Variants in KITLG observed in about 807,000 individuals in gnomAD.
The protein encoded by KITLG is KIT ligand.
A neutral mutation model predicts 34.1 loss-of-function variants in KITLG; 13 were observed. The observed-to-expected ratio is 0.38, with a 90% confidence interval of 0.25 to 0.61. KITLG has a LOEUF of 0.61. KITLG is among the 20% of genes least tolerant of loss of function. The probability of loss-of-function intolerance (pLI) is 0.60; values close to 1 mark genes in which losing one functional copy is unlikely to be tolerated. For missense variants in KITLG, 292 were observed against 318.9 expected, an observed-to-expected ratio of 0.92 and a Z score of 0.64; for synonymous variants, 110 against 104.0, an observed-to-expected ratio of 1.06 and a Z score of -0.35.
intron 6 of KITLG, among the ~76,000 whole-genome samples, chr12:88,513,166 T>G (rs1440402363): frequency 6.6e-6 from 1 of 151,798 alleles, no homozygotes; most frequent in East Asian, 1.9e-4. Flanking sequence ...AAAACTACCC[T>G]GTTTCAAGGT....
chr12:88,571,519 C>G (rs1328554048), intron 1 of KITLG, among the ~76,000 whole-genome samples: 2 of 152,280 alleles, frequency 1.3e-5, no homozygotes, highest in South Asian at 2.1e-4. Flanking sequence ...AACAAAGTAG[C>G]CTTGCCAGTC....
At chr12:88,552,201 G>A (rs1382228036) in intron 1 of KITLG, among the ~76,000 whole-genome samples, 2 of 146,416 alleles carry the variant, frequency 1.4e-5, no homozygotes, top group Non-Finnish European at 3.0e-5. Flanking sequence ...TTTTGACAGA[G>A]TCTCTCTCTG....
chr12:88,551,888 C>A (rs1198580613), intron 1 of KITLG, among the ~76,000 whole-genome samples: 1 of 152,126 alleles, frequency 6.6e-6, no homozygotes, highest in East Asian at 1.9e-4. Context: ...CCAATCTAAT[C>A]CCCATGGTCC....
intron 1 of KITLG, among the ~76,000 whole-genome samples, chr12:88,552,841 A>G (rs1870965396): frequency 6.6e-6 from 1 of 152,172 alleles, no homozygotes. Context: ...ATGTGACTTC[A>G]AACAAGTCAG....
chr12:88,540,976 G>T (rs1451078768), intron 2 of KITLG, among the ~76,000 whole-genome samples: 1 of 152,048 alleles, frequency 6.6e-6, no homozygotes, highest in Non-Finnish European at 1.5e-5. Context: ...CACTATTAAT[G>T]ATATACCTAG....
chr12:88,497,486 C>T (rs1467266001), intron 9 of KITLG, among the ~76,000 whole-genome samples: 2 of 152,140 alleles, frequency 1.3e-5, no homozygotes, highest in Non-Finnish European at 2.9e-5. Context: ...ACTGCTGTAC[C>T]TCCACTCTTA....
chr12:88,579,409 A>AT (rs1473799838), intron 1 of KITLG, among the ~76,000 whole-genome samples: 3 of 152,088 alleles, frequency 2.0e-5, no homozygotes, highest in Admixed American at 6.5e-5. Context: ...AGAACTGTGG[A>AT]TAGGGGCACC....
At chr12:88,545,724 A>G in intron 2 of KITLG, 28 bp downstream of exon 2, 2 of 1,280,442 alleles carry the variant, frequency 1.6e-6, no homozygotes, top group Non-Finnish European at 2.3e-6. Flanking sequence ...TCTTTTTTAC[A>G]CAGCACGGTA....
At chr12:88,534,015 CA>C (rs1019477888) in intron 2 of KITLG, among the ~76,000 whole-genome samples, 34 of 152,220 alleles carry the variant, frequency 2.2e-4, no homozygotes, top group Admixed American at 5.9e-4. Context: ...AAAATAGTAA[CA>C]GTGTCTAACA....
chr12:88,551,997 T>G (rs1403687261), intron 1 of KITLG, among the ~76,000 whole-genome samples: 1 of 152,008 alleles, frequency 6.6e-6, no homozygotes, highest in Non-Finnish European at 1.5e-5. Context: ...AACATGTCCT[T>G]GCTGGCATTG....
In KITLG at chr12:88,521,535, A is replaced by G. The variant is rs1234922931; in HGVS notation, c.193-2668T>C. On this transcript the variant is annotated intron_variant, in intron 3 of 9. Transcript: ENST00000644744. ...TATTTTTCAGAGATATTTTAAACTT[A>G]AATAGTTTTATATAAATATTTACTC... 3.9e-5 allele frequency among the ~76,000 whole-genome samples: 6 copies of G among 152,264 alleles called. No individual in the cohort carries two copies. The East Asian group carries it at 7.7e-4, about 20-fold the overall frequency.
chr12:88,495,084 T>C lies in KITLG; in HGVS notation c.*2135A>G, dbSNP rs1327630272. 6.6e-6 allele frequency: 1 copy of C among 152,000 alleles called. No individual in the cohort carries two copies. The highest frequency in any genetic ancestry group is 2.4e-5 in the African/African-American group (1 of 41,436). The allele number at this position is 152,000 out of a possible 1,614,324, so 9.4% of individuals were successfully genotyped here. A position where few individuals can be genotyped will look rare whatever the true frequency, so the allele number is the denominator to read the frequency against. ...AGGACACATCTCCCCTCTCCTACCA[T>C]GTCAGATTTAATAACTTGCTGAATT... On this transcript the variant is annotated 3_prime_UTR_variant, in exon 10 of 10. Transcript: ENST00000644744.
chr12:88,506,421 A>C, intron 7 of KITLG, 43 bp from the exon 8 acceptor site: 1 of 1,351,250 alleles, frequency 7.4e-7, no homozygotes. Context: ...TAATCAATGA[A>C]TGGTCTAATA....
rs760262181 is a variant in KITLG, at chr12:88,518,816, T to C, written c.244A>G (p.Thr82Ala). The stretch of plus-strand genomic sequence containing the variant: ...TTTGAAAACTTGTCCAGAAGATCAG[T>C]CAAGCTGTCTGACAATTGTACTACC... ...EMVVQLSDSL[T>A]DLLDKFSNIS... Residue 82 changes from threonine to alanine, a missense_variant, in exon 4 of 10, where the codon ACT (threonine) becomes GCT (alanine). By Grantham distance (58) the Thr-to-Ala change is moderately conservative. This residue lies in a region of KITLG where 152 missense variants were observed against 207.9 expected (regional missense o/e 0.73). Transcript: ENST00000644744. 6.2e-7 allele frequency: 1 copy of C among 1,613,496 alleles called. No homozygotes were observed. The highest frequency in any genetic ancestry group is 8.5e-7 in the Non-Finnish European group (1 of 1,179,604).
At chr12:88,580,095 C>T (rs1476550523) in intron 1 of KITLG, 169 bp downstream of exon 1, 2 of 705,610 alleles carry the variant, frequency 2.8e-6, no homozygotes, top group Non-Finnish European at 5.0e-6. Flanking sequence ...TCACCCGGCT[C>T]GGCTCGGGAT....
Position 88,494,804 on chromosome 12 carries a change from T to C in KITLG, c.*2415A>G, listed in dbSNP as rs1868558549. On this transcript the variant is annotated 3_prime_UTR_variant, in exon 10 of 10. Coordinates refer to ENST00000644744, the MANE Select transcript of KITLG (RefSeq NM_000899.5). ...ACATGGCACCAACTGAAAAGGCGAT[T>C]TCATGGTTTACTATCTCAGCAGTGA... The C allele has an allele frequency of 6.6e-6, 1 of 152,140 alleles. No homozygotes were observed. Among genetic ancestry groups the C allele is most frequent in the Admixed American group, 6.6e-5 (1 of 15,230 alleles). 9.4% of individuals were successfully genotyped at this position (152,140 alleles called of 1,614,324 possible).
At chr12:88,507,953 G>A (rs1285928934) in intron 6 of KITLG, among the ~76,000 whole-genome samples, 3 of 152,016 alleles carry the variant, frequency 2.0e-5, no homozygotes, top group African/African-American at 4.8e-5. Context: ...TTGGGAGGCC[G>A]AGTCAAGCAG....
intron 1 of KITLG, among the ~76,000 whole-genome samples, chr12:88,551,105 T>TA (rs1870900257): frequency 2.0e-5 from 3 of 152,318 alleles, no homozygotes; most frequent in Admixed American, 2.0e-4. Flanking sequence ...CTATATTTCT[T>TA]AAAGCCCTTT....
rs1479993522 is a variant in KITLG, at chr12:88,496,318, C to G, written c.*901G>C. ...TTACATTCAGCATTTTCTCCTAAGT[C>G]CCTTTACATAGCTCTGTAATAGTTT... On this transcript the variant is annotated 3_prime_UTR_variant, in exon 10 of 10. Coordinates refer to ENST00000644744, the MANE Select transcript of KITLG (RefSeq NM_000899.5). The G allele has an allele frequency of 6.6e-6, 1 of 152,156 alleles. No individual in the cohort carries two copies. Among genetic ancestry groups the G allele is most frequent in the East Asian group, 1.9e-4 (1 of 5,198 alleles). 9.4% of individuals were successfully genotyped at this position (152,156 alleles called of 1,614,324 possible).
Sources: allele counts gnomAD v4.1 joint callset (sites outside exome capture counted in the v4.1 genomes callset), GRCh38; gene constraint gnomAD v4.1.1; regional missense constraint gnomAD v4.1.1; transcripts MANE v1.5; gene names NCBI Gene and HGNC (gene_info 2026-07-23, HGNC 2026-07-21).